Variants in PIP5K1A observed in about 807,000 individuals in gnomAD.
The protein encoded by PIP5K1A is phosphatidylinositol 4-phosphate 5-kinase type-1 alpha.
Under a neutral mutation model 72.9 loss-of-function variants are expected in PIP5K1A, and 46 were observed. That is an observed-to-expected ratio of 0.63 (90% CI 0.50 to 0.81). The LOEUF (loss-of-function observed/expected upper bound fraction) is 0.81. Among genes scored for constraint, PIP5K1A ranks in the 30% least tolerant of loss-of-function variants. PIP5K1A has a pLI of 0.00. For missense variants in PIP5K1A, 458 were observed against 706.1 expected (o/e 0.65, Z 3.98); for synonymous variants, 228 against 255.1 (o/e 0.89, Z 1.01).
upstream of PIP5K1A, among the ~76,000 whole-genome samples, chr1:151,197,276 G>T (rs11584388): frequency 0.16 from 23,217 of 149,428 alleles, 1,881 homozygotes; most frequent in Admixed American, 0.19. Context: ...TGTTTTTTTT[G>T]TTTGTTTGTT....
intron 3 of PIP5K1A, among the ~76,000 whole-genome samples, chr1:151,224,875 C>T (rs1688881673): frequency 6.6e-6 from 1 of 152,166 alleles, no homozygotes; most frequent in Non-Finnish European, 1.5e-5. Context: ...CTTCTTGCCT[C>T]TCCCCTGGGT....
intron 10 of PIP5K1A, 76 bp from the exon 11 acceptor site, chr1:151,239,054 A>G: frequency 9.6e-7 from 1 of 1,039,420 alleles, no homozygotes; most frequent in Admixed American, 1.8e-5. Context: ...TACCCCTTTA[A>G]CCCCCTAAAA....
chr1:151,209,997 C>T (rs1054280639), intron 1 of PIP5K1A, among the ~76,000 whole-genome samples: 1 of 151,892 alleles, frequency 6.6e-6, no homozygotes, highest in South Asian at 2.1e-4. Context: ...GATTCTTGTG[C>T]CTCTGCCTCT....
chr1:151,208,238 A>G (rs1686224252), intron 1 of PIP5K1A, among the ~76,000 whole-genome samples: 1 of 152,178 alleles, frequency 6.6e-6, no homozygotes, highest in Admixed American at 6.6e-5. Context: ...ATTGCTTTCA[A>G]GCTTTTGTTT....
intron 14 of PIP5K1A, among the ~76,000 whole-genome samples, chr1:151,244,405 C>T (rs1274154265): frequency 1.3e-5 from 2 of 152,154 alleles, no homozygotes; most frequent in African/African-American, 2.4e-5. Context: ...GTAATCCCAA[C>T]ACTTGTGAGA....
At chr1:151,237,608 C>T (rs1413560273) in intron 9 of PIP5K1A, among the ~76,000 whole-genome samples, 2 of 151,880 alleles carry the variant, frequency 1.3e-5, no homozygotes. Flanking sequence ...TGCAGTGAGC[C>T]ACTGTACATG....
intron 1 of PIP5K1A, among the ~76,000 whole-genome samples, chr1:151,218,169 C>T (rs148379433): frequency 2.0e-4 from 30 of 152,290 alleles, no homozygotes; most frequent in African/African-American, 6.5e-4. Flanking sequence ...TGTGAAACTG[C>T]GCTTTCAAGT....
chr1:151,245,829 C>A (rs587693229), intron 14 of PIP5K1A, among the ~76,000 whole-genome samples: 10 of 152,276 alleles, frequency 6.6e-5, no homozygotes, highest in African/African-American at 2.4e-4. Context: ...AGCCACTGCA[C>A]CAGGCCACCA....
At chr1:151,244,145 T>G (rs75712395) in intron 14 of PIP5K1A, among the ~76,000 whole-genome samples, 1 of 146,274 alleles carries the variant, frequency 6.8e-6, no homozygotes, top group African/African-American at 2.6e-5. Flanking sequence ...CCCCATCCCT[T>G]TGAAAAAAAA....
chr1:151,207,867 C>CT (rs35805635), intron 1 of PIP5K1A, among the ~76,000 whole-genome samples: 15 of 142,340 alleles, frequency 1.1e-4, no homozygotes, highest in South Asian at 9.0e-4. Context: ...GTTGCTCCTT[C>CT]TTTTTTTTTT....
chr1:151,241,817 A>T (rs1033568987), intron 12 of PIP5K1A, among the ~76,000 whole-genome samples: 1 of 151,272 alleles, frequency 6.6e-6, no homozygotes, highest in Non-Finnish European at 1.5e-5. Flanking sequence ...AAAAAAAAAA[A>T]GGAATTATGC....
intron 1 of PIP5K1A, among the ~76,000 whole-genome samples, chr1:151,220,810 A>G (rs1570863175): frequency 1.3e-5 from 2 of 152,172 alleles, no homozygotes; most frequent in African/African-American, 2.4e-5. Context: ...TCTTGCATCT[A>G]TACTTCTCCA....
intron 10 of PIP5K1A, 64 bp from the exon 11 acceptor site, chr1:151,239,066 A>G: frequency 8.3e-7 from 1 of 1,207,050 alleles, no homozygotes; most frequent in Middle Eastern, 1.9e-4. Context: ...CCCCTAAAAT[A>G]TAAAGTTATT....
intron 1 of PIP5K1A, among the ~76,000 whole-genome samples, chr1:151,204,651 C>G (rs185210969): frequency 6.6e-6 from 1 of 152,266 alleles, no homozygotes; most frequent in East Asian, 1.9e-4. Flanking sequence ...TCACCAGGTG[C>G]CATTTTGGTT....
intron 1 of PIP5K1A, among the ~76,000 whole-genome samples, chr1:151,212,722 A>C (rs188009660): frequency 0.012 from 1,654 of 134,816 alleles, 51 homozygotes; most frequent in Admixed American, 0.079. Context: ...CTACAGGCGC[A>C]CGCCACCACG....
At chr1:151,217,967 G>A (rs766951663) in intron 1 of PIP5K1A, among the ~76,000 whole-genome samples, 29 of 152,012 alleles carry the variant, frequency 1.9e-4, no homozygotes, top group Non-Finnish European at 2.9e-4. Context: ...ATAGAGATGA[G>A]GTTTCACCAT....
At chr1:151,232,759 G>T (rs190830501) in intron 7 of PIP5K1A, 56 bp downstream of exon 7, 3 of 1,504,118 alleles carry the variant, frequency 2.0e-6, no homozygotes, top group East Asian at 2.3e-5. Context: ...GCAAGGCTGG[G>T]GAGGCTGTCT....
intron 1 of PIP5K1A, 63 bp from the exon 2 acceptor site, chr1:151,224,182 G>A: frequency 4.2e-6 from 6 of 1,422,234 alleles, no homozygotes; most frequent in Non-Finnish European, 6.0e-6. Flanking sequence ...GATGGTTTCA[G>A]TATGCTTGAC....
intron 1 of PIP5K1A, among the ~76,000 whole-genome samples, chr1:151,215,126 G>A (rs748938486): frequency 2.7e-5 from 4 of 150,614 alleles, no homozygotes; most frequent in Admixed American, 6.6e-5. Context: ...CGCCTCCCGG[G>A]TTCAAGCGAT....
Sources: gnomAD v4.1 joint callset for allele counts (sites outside exome capture counted in the v4.1 genomes callset) on GRCh38, gnomAD v4.1.1 for gene constraint, MANE v1.5 for transcripts, NCBI Gene and HGNC (gene_info 2026-07-23, HGNC 2026-07-21) for gene names.